CLEC2A: variants seen among roughly 807,000 people sequenced by gnomAD.
CLEC2A encodes the protein keratinocyte-associated C-type lectin.
Under a neutral mutation model 18.6 loss-of-function variants are expected in CLEC2A, and 19 were observed. That is an observed-to-expected ratio of 1.02 (90% CI 0.71 to 1.50). The LOEUF is 1.50. Among genes scored for constraint, CLEC2A ranks in the 40% most tolerant of loss-of-function variants. The pLI is 0.00. For synonymous variants in CLEC2A, 74 were observed against 64.0 expected (o/e 1.16, Z -0.75); for missense variants, 190 against 207.9 (o/e 0.91, Z 0.53).
At chr12:9,909,864 G>T (rs1267864124), downstream of CLEC2A, among the ~76,000 whole-genome samples, 1 of 152,016 alleles carries the variant, frequency 6.6e-6, no homozygotes, top group East Asian at 1.9e-4. Context: ...ACAGCTGCTT[G>T]AGGGGGAGAA....
In CLEC2A at chr12:9,903,849, A is replaced by G. The variant is rs543283481; in HGVS notation, c.411-4873T>C. The stretch of plus-strand genomic sequence containing the variant: ...ATCTGGGACTCCTCTCGGGACTCCA[A>G]TGGCATCTATATAAACATGAGGGTC... On this transcript the variant is annotated intron_variant, in intron 4 of 4. Transcript: ENST00000339766. 5.3e-4 allele frequency among the ~76,000 whole-genome samples: 80 copies of G among 152,362 alleles called. 1 individual carries two copies. Among genetic ancestry groups the G allele is most frequent in the African/African-American group, 1.9e-3 (77 of 41,584 alleles).
chr12:9,916,657 G>A (rs762786447), intron 4 of CLEC2A, 43 bp downstream of exon 4: 94 of 1,204,686 alleles, frequency 7.8e-5, no homozygotes. Context: ...TTTTTCATAT[G>A]ACACACCAGA....
chr12:9,913,741 T>A (rs1863024361), intron 4 of CLEC2A, 61 bp from the exon 5 acceptor site: 1 of 1,069,210 alleles, frequency 9.4e-7, no homozygotes, highest in East Asian at 2.6e-5. Context: ...AAAAAGACAA[T>A]TAATAATAGA....
chr12:9,920,448 A>T (rs1268512610), intron 3 of CLEC2A, among the ~76,000 whole-genome samples: 1 of 152,192 alleles, frequency 6.6e-6, no homozygotes, highest in Non-Finnish European at 1.5e-5. Context: ...CCATGGGAGC[A>T]GCATGGGTTC....
intron 1 of CLEC2A, among the ~76,000 whole-genome samples, chr12:9,926,683 C>A (rs1035435131): frequency 6.6e-6 from 1 of 151,850 alleles, no homozygotes; most frequent in Non-Finnish European, 1.5e-5. Flanking sequence ...AAAAGGTCCA[C>A]GATTAGAGCA....
chr12:9,917,086 A>G (rs1238443395), intron 3 of CLEC2A, among the ~76,000 whole-genome samples: 1 of 152,206 alleles, frequency 6.6e-6, no homozygotes, highest in Non-Finnish European at 1.5e-5. Flanking sequence ...ATGTTTTTTC[A>G]TATAATCAGA....
At chr12:9,905,149 G>A (rs955479022) in intron 4 of CLEC2A, among the ~76,000 whole-genome samples, 1 of 152,206 alleles carries the variant, frequency 6.6e-6, no homozygotes, top group Non-Finnish European at 1.5e-5. Context: ...CCTTTTTAGA[G>A]TTAGTTTGGT....
the CLEC2A span, among the ~76,000 whole-genome samples, chr12:9,892,724 A>G: frequency 1.3e-5 from 2 of 151,182 alleles, no homozygotes; most frequent in East Asian, 2.0e-4. Context: ...AGCTGGGATT[A>G]CAGGCATGGG....
chr12:9,887,379 CA>C, the CLEC2A span, among the ~76,000 whole-genome samples: 33 of 152,090 alleles, frequency 2.2e-4, no homozygotes, highest in African/African-American at 7.7e-4. Flanking sequence ...AGTTTTCCCC[CA>C]AAGCAAATTA....
chr12:9,894,150 C>CTCTG (rs774385146), downstream of CLEC2A, among the ~76,000 whole-genome samples: 1 of 147,640 alleles, frequency 6.8e-6, no homozygotes, highest in Non-Finnish European at 1.5e-5. Flanking sequence ...CTCTCTCTCT[C>CTCTG]TCTCCCTCCC....
chr12:9,915,257 G>A (rs1863052827), intron 4 of CLEC2A, among the ~76,000 whole-genome samples: 1 of 152,170 alleles, frequency 6.6e-6, no homozygotes, highest in Non-Finnish European at 1.5e-5. Context: ...GCTGGTGGGA[G>A]TGTAAATTAG....
At chr12:9,901,711 C>T (rs1350012539) in intron 4 of CLEC2A, among the ~76,000 whole-genome samples, 1 of 151,508 alleles carries the variant, frequency 6.6e-6, no homozygotes, top group African/African-American at 2.4e-5. Context: ...CAAATATGTT[C>T]AAGATTTAAA....
the CLEC2A span, among the ~76,000 whole-genome samples, chr12:9,882,764 GAGCAAGAC>G: frequency 6.7e-6 from 1 of 149,190 alleles, no homozygotes; most frequent in Non-Finnish European, 1.5e-5. Flanking sequence ...CTGAGTGACA[GAGCAAGAC>G]TCCATATATA....
chr12:9,884,950 A>G, the CLEC2A span: 39 of 1,261,486 alleles, frequency 3.1e-5, 1 homozygote, highest in South Asian at 7.2e-4. Context: ...CCCTATATCC[A>G]CAATATTATT....
At chr12:9,880,992 A>AAAAC in the CLEC2A span, among the ~76,000 whole-genome samples, 2 of 152,224 alleles carry the variant, frequency 1.3e-5, no homozygotes, top group African/African-American at 2.4e-5. Flanking sequence ...CGTTTTCTGA[A>AAAAC]AAACAAACAA....
the CLEC2A span, among the ~76,000 whole-genome samples, chr12:9,884,396 T>C: frequency 6.6e-6 from 1 of 151,782 alleles, no homozygotes; most frequent in Non-Finnish European, 1.5e-5. Flanking sequence ...TAAGGTGAAA[T>C]AAAATGTGGA....
chr12:9,916,960 G>C lies in CLEC2A; in HGVS notation c.307-157C>G, dbSNP rs190255533. On this transcript the variant is annotated intron_variant, in intron 3 of 4. Coordinates refer to ENST00000455827, the MANE Select transcript of CLEC2A (RefSeq NM_001130711.2). Reference sequence around the variant, plus strand: ...ACAAACAGCACAGATGTTGATGTTTGGGTTAGTTTTATCAGAAAGATTTTC... The same window carrying C: ...ACAAACAGCACAGATGTTGATGTTTCGGTTAGTTTTATCAGAAAGATTTTC... 3.3e-5 allele frequency among the ~76,000 whole-genome samples: 5 copies of C among 152,172 alleles called. No individual in the cohort carries two copies. In the East Asian group the frequency reaches 9.6e-4, roughly 29 times the overall value.
At chr12:9,880,872 C>T in the CLEC2A span, among the ~76,000 whole-genome samples, 5 of 152,126 alleles carry the variant, frequency 3.3e-5, no homozygotes, top group South Asian at 8.3e-4. Flanking sequence ...CCAAAAACAC[C>T]CTCACAGAAA....
At chr12:9,897,434 T>C (rs1234866789), downstream of CLEC2A, among the ~76,000 whole-genome samples, 1 of 152,138 alleles carries the variant, frequency 6.6e-6, no homozygotes, top group Non-Finnish European at 1.5e-5. Context: ...GCGTATGTGA[T>C]GCAGGATCTT....
Sources: gnomAD v4.1 joint callset for allele counts (sites outside exome capture counted in the v4.1 genomes callset) on GRCh38, gnomAD v4.1.1 for gene constraint, MANE v1.5 for transcripts, NCBI Gene and HGNC (gene_info 2026-07-23, HGNC 2026-07-21) for gene names.